Variants in GNAO1 observed in about 807,000 individuals in gnomAD.
GNAO1 encodes the protein G protein subunit alpha o1.
For synonymous variants in GNAO1, 164 were observed against 180.7 expected, an observed-to-expected ratio of 0.91 and a Z score of 0.74; for missense variants, 166 against 478.7, an observed-to-expected ratio of 0.35 and a Z score of 6.10.
intron 3 of GNAO1, among the ~76,000 whole-genome samples, chr16:56,317,934 T>C (rs1596861373): frequency 6.6e-6 from 1 of 152,166 alleles, no homozygotes; most frequent in Non-Finnish European, 1.5e-5. Flanking sequence ...GGACGTTCTG[T>C]AGGCGCAGGC....
intron 6 of GNAO1, among the ~76,000 whole-genome samples, chr16:56,341,632 C>T (rs1156462379): frequency 6.6e-6 from 1 of 152,202 alleles, no homozygotes; most frequent in African/African-American, 2.4e-5. Flanking sequence ...AGAGCCCTGG[C>T]CCCCTATATA....
At chr16:56,331,634 C>G (rs1367930080) in intron 4 of GNAO1, among the ~76,000 whole-genome samples, 2 of 152,288 alleles carry the variant, frequency 1.3e-5, no homozygotes, top group South Asian at 4.1e-4. Context: ...GCCCACCCAC[C>G]CAGGCAACTG....
At chr16:56,213,610 G>A (rs1441951541) in intron 2 of GNAO1, among the ~76,000 whole-genome samples, 1 of 152,104 alleles carries the variant, frequency 6.6e-6, no homozygotes, top group East Asian at 1.9e-4. Flanking sequence ...GAGATTACAG[G>A]TGCACACCAC....
intron 3 of GNAO1, among the ~76,000 whole-genome samples, chr16:56,327,861 C>T (rs1322312212): frequency 1.3e-5 from 2 of 152,174 alleles, no homozygotes; most frequent in Admixed American, 6.5e-5. Flanking sequence ...TTTCCCATTT[C>T]CATGTTTCAC....
At chr16:56,204,096 C>T (rs1165988096) in intron 2 of GNAO1, among the ~76,000 whole-genome samples, 6 of 152,204 alleles carry the variant, frequency 3.9e-5, no homozygotes, top group Non-Finnish European at 8.8e-5. Flanking sequence ...GGAGAGATGA[C>T]CCCTGGTGTC....
At chr16:56,208,889 T>G (rs929940355) in intron 2 of GNAO1, among the ~76,000 whole-genome samples, 5 of 152,202 alleles carry the variant, frequency 3.3e-5, no homozygotes, top group Admixed American at 3.3e-4. Flanking sequence ...GTTTTTTTGT[T>G]TTTTGTTTTC....
chr16:56,277,842 C>CACAT (rs1555504339), intron 3 of GNAO1, among the ~76,000 whole-genome samples: 1 of 132,616 alleles, frequency 7.5e-6, no homozygotes, highest in Non-Finnish European at 1.6e-5. Flanking sequence ...CACACACACA[C>CACAT]GGTGTGTGAG....
At chr16:56,286,560 G>A (rs2037170787) in intron 3 of GNAO1, among the ~76,000 whole-genome samples, 1 of 152,086 alleles carries the variant, frequency 6.6e-6, no homozygotes, top group South Asian at 2.1e-4. Context: ...GGAGGAAAAT[G>A]GCTCCAGCAG....
intron 2 of GNAO1, among the ~76,000 whole-genome samples, chr16:56,242,519 A>C (rs1477625409): frequency 6.6e-6 from 1 of 152,232 alleles, no homozygotes; most frequent in Non-Finnish European, 1.5e-5. Context: ...AAACTTATAC[A>C]TCTATGACCA....
At position 56,208,887 on chromosome 16, in the gene GNAO1, G is replaced by A. The variant is rs12928918; in HGVS notation, c.161+16271G>A. 2.0e-5 allele frequency among the ~76,000 whole-genome samples: 3 copies of A among 151,496 alleles called. No homozygotes were observed. The East Asian group carries it at 5.8e-4, about 29-fold the overall frequency. ...AAATACTAGTCTTTTTTGTTTTTTT[G>A]TTTTTTGTTTTCATTGCAAATATTA... On this transcript the variant is annotated intron_variant, in intron 2 of 8. Transcript: ENST00000262493.
intron 2 of GNAO1, among the ~76,000 whole-genome samples, chr16:56,227,703 A>AC (rs1383882439): frequency 6.6e-6 from 1 of 151,518 alleles, no homozygotes; most frequent in Non-Finnish European, 1.5e-5. Flanking sequence ...AAAAAAAAAA[A>AC]AAAAAAAAAG....
At chr16:56,253,947 A>G (rs1457419173) in intron 2 of GNAO1, among the ~76,000 whole-genome samples, 1 of 152,192 alleles carries the variant, frequency 6.6e-6, no homozygotes, top group Non-Finnish European at 1.5e-5. Flanking sequence ...TACACGGGGC[A>G]TTTTTTATAA....
chr16:56,328,726 C>A lies in GNAO1; in HGVS notation c.399C>A (p.Gly133=). 1 of 1,614,220 alleles carries A rather than the reference C, an allele frequency of 6.2e-7. No homozygotes were observed. The highest frequency in any genetic ancestry group is 1.1e-5 in the South Asian group (1 of 91,076). Residue 133 remains glycine, a synonymous_variant, in exon 4 of 9, where the codon GGC becomes GGA. Coordinates refer to ENST00000262493, the MANE Select transcript of GNAO1 (RefSeq NM_020988.3). Reference sequence around the variant, plus strand: ...TTTCTGCCATGATGCGGCTCTGGGGCGACTCAGGAATCCAAGAGTGCTTCA... The same window carrying A: ...TTTCTGCCATGATGCGGCTCTGGGGAGACTCAGGAATCCAAGAGTGCTTCA... ...ELLSAMMRLW[G]DSGIQECFNR...
At chr16:56,309,391 C>A (rs1403391392) in intron 3 of GNAO1, among the ~76,000 whole-genome samples, 1 of 152,166 alleles carries the variant, frequency 6.6e-6, no homozygotes, top group Non-Finnish European at 1.5e-5. Context: ...GTTGCCAGCT[C>A]TCCCACCCAG....
chr16:56,349,427 TG>T (rs2037901729), intron 6 of GNAO1, among the ~76,000 whole-genome samples: 1 of 152,148 alleles, frequency 6.6e-6, no homozygotes, highest in East Asian at 1.9e-4. Context: ...TCAATGAGCT[TG>T]AGTGTGGACA....
intron 3 of GNAO1, among the ~76,000 whole-genome samples, chr16:56,295,210 G>A (rs1269457268): frequency 3.3e-5 from 5 of 152,058 alleles, no homozygotes; most frequent in African/African-American, 4.8e-5. Flanking sequence ...AGAGGTTTTC[G>A]TCTGCAGATA....
chr16:56,292,292 T>A (rs1227255054), intron 3 of GNAO1, among the ~76,000 whole-genome samples: 1 of 152,216 alleles, frequency 6.6e-6, no homozygotes, highest in Non-Finnish European at 1.5e-5. Flanking sequence ...TATATCCCAC[T>A]GCATCCCCAG....
chr16:56,335,518 G>A (rs1466001410), intron 5 of GNAO1, among the ~76,000 whole-genome samples: 4 of 152,184 alleles, frequency 2.6e-5, no homozygotes, highest in African/African-American at 9.7e-5. Context: ...AGAAGGGGAG[G>A]GCAGGGACCC....
intron 4 of GNAO1, among the ~76,000 whole-genome samples, chr16:56,331,558 C>A (rs1349998798): frequency 6.6e-6 from 1 of 152,140 alleles, no homozygotes; most frequent in African/African-American, 2.4e-5. Context: ...GTACCTGGTA[C>A]CTCCTTTCAC....
Sources: allele counts gnomAD v4.1 joint callset (sites outside exome capture counted in the v4.1 genomes callset), GRCh38; gene constraint gnomAD v4.1.1; transcripts MANE v1.5; gene names NCBI Gene and HGNC (gene_info 2026-07-23, HGNC 2026-07-21).